ALDH7A1: variants seen among roughly 807,000 people sequenced by gnomAD.
ALDH7A1 encodes aldehyde dehydrogenase 7 family member A1, also known as alpha-aminoadipic semialdehyde dehydrogenase.
In ALDH7A1, 63 loss-of-function variants were observed where a neutral mutation model predicts 79.9. The ratio of observed to expected loss-of-function variants is 0.79; its 90% CI spans 0.64 to 0.97. The LOEUF is 0.97. Ranked by LOEUF, ALDH7A1 falls within the 50% of genes least tolerant of loss-of-function variation. ALDH7A1 has a pLI of 0.00. For missense variants in ALDH7A1, 627 were observed against 665.2 expected (o/e 0.94, Z 0.63); for synonymous variants, 240 against 231.2 (o/e 1.04, Z -0.34).
chr5:126,589,933 A>G (rs1193388090), intron 3 of ALDH7A1, among the ~76,000 whole-genome samples: 1 of 147,478 alleles, frequency 6.8e-6, no homozygotes, highest in African/African-American at 2.6e-5. Flanking sequence ...AATGTCTGGG[A>G]AGCGAGGAGT....
intron 5 of ALDH7A1, 150 bp from the exon 6 acceptor site, chr5:126,577,361 C>T: frequency 6.1e-6 from 6 of 976,358 alleles, no homozygotes; most frequent in Non-Finnish European, 9.5e-6. Flanking sequence ...AGTACATTAA[C>T]TAATGTACAA....
chr5:126,545,137 A>G, intron 17 of ALDH7A1, 118 bp from the exon 18 acceptor site: 2 of 742,840 alleles, frequency 2.7e-6, no homozygotes, highest in South Asian at 1.6e-5. Context: ...CCAAGTTACA[A>G]CTTTTTAAGA....
intron 10 of ALDH7A1, among the ~76,000 whole-genome samples, chr5:126,560,460 G>C (rs574649210): frequency 5.9e-5 from 9 of 152,094 alleles, no homozygotes; most frequent in African/African-American, 2.2e-4. Flanking sequence ...GACAGAGTAA[G>C]ACTCCCGTCT....
intron 7 of ALDH7A1, among the ~76,000 whole-genome samples, chr5:126,573,040 T>C (rs1390121996): frequency 6.6e-6 from 1 of 150,960 alleles, no homozygotes; most frequent in Non-Finnish European, 1.5e-5. Context: ...GCAAATAACA[T>C]TTTCAGTGCT....
chr5:126,554,502 A>G, intron 12 of ALDH7A1, 109 bp from the exon 13 acceptor site: 1 of 834,674 alleles, frequency 1.2e-6, no homozygotes, highest in Admixed American at 1.8e-5. Flanking sequence ...ATATGCTCTC[A>G]ATTGAGAACA....
intron 3 of ALDH7A1, chr5:126,587,754 G>A (rs902764838): frequency 6.6e-6 from 1 of 152,214 alleles, no homozygotes; most frequent in African/African-American, 2.4e-5. Flanking sequence ...AGCCTCACGT[G>A]AGGGAGGATC....
At chr5:126,582,783 T>C (rs967150784) in intron 5 of ALDH7A1, 68 bp downstream of exon 5, 217 of 1,579,182 alleles carry the variant, frequency 1.4e-4, no homozygotes, top group Admixed American at 7.9e-4. Flanking sequence ...ATAGCCAGAG[T>C]ATTTTATTTT....
At chr5:126,572,159 C>A (rs898145208) in intron 7 of ALDH7A1, among the ~76,000 whole-genome samples, 1 of 152,196 alleles carries the variant, frequency 6.6e-6, no homozygotes, top group Non-Finnish European at 1.5e-5. Context: ...TGGCTACTTT[C>A]CAATTTGTTT....
Position 126,575,473 on chromosome 5 carries a change from G to A in ALDH7A1, c.651-9C>T. 6.2e-7 allele frequency: 1 copy of A among 1,608,836 alleles called. No homozygotes were observed. The highest frequency in any genetic ancestry group is 8.5e-7 in the Non-Finnish European group (1 of 1,178,290). On this transcript the variant is annotated splice_polypyrimidine_tract_variant and intron_variant, in intron 6 of 17. Coordinates refer to ENST00000409134, the MANE Select transcript of ALDH7A1 (RefSeq NM_001182.5). ...TGGTTGGAGCTCCTTTCCTTAAGAA[G>A]GTTAAAACAAAAAAAGAAAAAGAAA... is the stretch of plus-strand genomic sequence containing the variant.
chr5:126,573,846 G>A (rs1022034874), intron 7 of ALDH7A1, among the ~76,000 whole-genome samples: 4 of 145,254 alleles, frequency 2.8e-5, no homozygotes, highest in Admixed American at 7.0e-5. Flanking sequence ...CAGCCTGGGC[G>A]ACAGAGCAAG....
At chr5:126,564,396 C>A in intron 9 of ALDH7A1, 1 of 513,504 alleles carries the variant, frequency 1.9e-6, no homozygotes, top group Non-Finnish European at 3.0e-6. Flanking sequence ...AATTCACCCA[C>A]CTCAGCCTCC....
chr5:126,583,895 C>A, intron 4 of ALDH7A1, 37 bp downstream of exon 4: 2 of 1,527,346 alleles, frequency 1.3e-6, no homozygotes, highest in Non-Finnish European at 1.8e-6. Context: ...TTATTGTCCA[C>A]TCAAAGAATT....
intron 8 of ALDH7A1, chr5:126,568,728 G>T: frequency 3.3e-6 from 1 of 300,992 alleles, no homozygotes; most frequent in Non-Finnish European, 6.5e-6. Context: ...TAAAACTTGG[G>T]CAGGACCAGC....
chr5:126,593,564 G>A, intron 1 of ALDH7A1, 160 bp from the exon 2 acceptor site: 2 of 1,018,846 alleles, frequency 2.0e-6, no homozygotes, highest in Non-Finnish European at 2.9e-6. Flanking sequence ...CCACTCTACA[G>A]AGGTTGTCTT....
rs142095461 is a variant in ALDH7A1, at chr5:126,567,439, A to C, written c.871+820T>G. On this transcript the variant is annotated intron_variant, in intron 9 of 17. Coordinates refer to ENST00000409134, the MANE Select transcript of ALDH7A1 (RefSeq NM_001182.5). ...AAACATAAATATTCTATGTGATTCA[A>C]TTATACCCATTTAGAGAGAAAATGA... Among the ~76,000 whole-genome samples the C allele has an allele frequency of 7.2e-4, 109 of 152,256 alleles. 1 individual carries two copies. Among genetic ancestry groups the C allele is most frequent in the African/African-American group, 2.6e-3 (107 of 41,552 alleles).
chr5:126,571,009 A>G (rs911949973), intron 7 of ALDH7A1, 150 bp from the exon 8 acceptor site: 1 of 732,718 alleles, frequency 1.4e-6, no homozygotes, highest in Admixed American at 2.1e-5. Flanking sequence ...CCCACTTTTC[A>G]ATTTCTAAGT....
chr5:126,560,497 A>G (rs1455451739), intron 10 of ALDH7A1, among the ~76,000 whole-genome samples: 1 of 152,196 alleles, frequency 6.6e-6, no homozygotes. Context: ...TCCAGAACAA[A>G]CACTTCACCA....
At chr5:126,575,924 C>T (rs1581387110) in intron 6 of ALDH7A1, among the ~76,000 whole-genome samples, 1 of 152,182 alleles carries the variant, frequency 6.6e-6, no homozygotes, top group East Asian at 1.9e-4. Context: ...CTAGTTCCCA[C>T]CAAACCATGT....
intron 16 of ALDH7A1, among the ~76,000 whole-genome samples, chr5:126,548,894 T>C (rs1476043489): frequency 3.2e-5 from 3 of 93,388 alleles, no homozygotes; most frequent in Non-Finnish European, 6.0e-5. Context: ...GGCCTGTTTC[T>C]AAAAAAAAAA....
Sources: gnomAD v4.1 joint callset for allele counts (sites outside exome capture counted in the v4.1 genomes callset) on GRCh38, gnomAD v4.1.1 for gene constraint, MANE v1.5 for transcripts, NCBI Gene and HGNC (gene_info 2026-07-23, HGNC 2026-07-21) for gene names.